CA10: variants seen among roughly 807,000 people sequenced by gnomAD.
CA10 encodes the protein carbonic anhydrase 10 (inactive).
A neutral mutation model predicts 44.2 loss-of-function variants in CA10; 14 were observed. The ratio of observed to expected loss-of-function variants is 0.32; its 90% CI spans 0.21 to 0.50. The LOEUF (loss-of-function observed/expected upper bound fraction) is 0.50, where lower values mean the gene tolerates loss of function less well. Ranked by LOEUF, CA10 falls within the 20% of genes least tolerant of loss-of-function variation. The pLI, the probability that CA10 is intolerant of heterozygous loss-of-function variation, is 0.99. For synonymous variants in CA10, 159 were observed against 141.6 expected (o/e 1.12, Z -0.87); for missense variants, 350 against 409.7 (o/e 0.85, Z 1.26).
rs1480270889 is a variant in CA10, at chr17:51,708,910, A to T, written c.465+38723T>A. ...CCTTCAGCCACAGACTGAAAGCTGCACTCTGTCATCTTCCCAACTTCTGAG... is the reference window on the plus strand; with the variant it reads ...CCTTCAGCCACAGACTGAAAGCTGCTCTCTGTCATCTTCCCAACTTCTGAG... On this transcript the variant is annotated intron_variant, in intron 4 of 8. Coordinates refer to ENST00000451037, the MANE Select transcript of CA10 (RefSeq NM_020178.5). Among the ~76,000 whole-genome samples, 3 of 152,112 alleles carry T rather than the reference A, an allele frequency of 2.0e-5. No individual in the cohort carries two copies. In the East Asian group the frequency reaches 5.8e-4, roughly 29 times the overall value.
intron 3 of CA10, among the ~76,000 whole-genome samples, chr17:51,885,705 C>T (rs1171166397): frequency 1.3e-5 from 2 of 152,184 alleles, no homozygotes; most frequent in East Asian, 3.9e-4. Flanking sequence ...CTTCTCCATT[C>T]AACTGGGAGA....
At chr17:52,036,987 G>T (rs1986637319) in intron 2 of CA10, among the ~76,000 whole-genome samples, 1 of 152,178 alleles carries the variant, frequency 6.6e-6, no homozygotes, top group African/African-American at 2.4e-5. Context: ...GCAGTGAGCA[G>T]AGAGTGGCAG....
rs565829173 is a variant in CA10, at chr17:52,051,478, G to T, written c.136+20841C>A. ...AAAAAAAAACTCCATGAAGAAGCGG[G>T]CAAAGGACATGAACATTTTCGACAG... is the stretch of plus-strand genomic sequence containing the variant. On this transcript the variant is annotated intron_variant, in intron 2 of 8. Transcript: ENST00000451037. 2.7e-4 allele frequency among the ~76,000 whole-genome samples: 41 copies of T among 151,142 alleles called. No homozygotes were observed. In the East Asian group the frequency reaches 4.1e-3, roughly 15 times the overall value.
intron 2 of CA10, among the ~76,000 whole-genome samples, chr17:51,989,766 G>C (rs1984976084): frequency 6.6e-6 from 1 of 152,112 alleles, no homozygotes; most frequent in Non-Finnish European, 1.5e-5. Flanking sequence ...ACCACACTTT[G>C]AGTAGCAAGA....
At chr17:51,896,239 T>C (rs1292910563) in intron 3 of CA10, among the ~76,000 whole-genome samples, 1 of 152,080 alleles carries the variant, frequency 6.6e-6, no homozygotes, top group African/African-American at 2.4e-5. Context: ...CTCATCTTCC[T>C]GTCCCCCTCT....
intron 2 of CA10, among the ~76,000 whole-genome samples, chr17:52,019,702 A>G (rs1005994175): frequency 6.6e-6 from 1 of 152,082 alleles, no homozygotes; most frequent in African/African-American, 2.4e-5. Flanking sequence ...TAAAAAATAG[A>G]ACATTACCAG....
intron 3 of CA10, among the ~76,000 whole-genome samples, chr17:51,825,673 TTGCA>T (rs762863062): frequency 1.2e-3 from 177 of 152,374 alleles, no homozygotes; most frequent in Non-Finnish European, 2.0e-3. Context: ...CTGTTTTCAA[TTGCA>T]TACTCATTAC....
At chr17:51,965,234 C>T (rs1984037033) in intron 2 of CA10, among the ~76,000 whole-genome samples, 1 of 151,632 alleles carries the variant, frequency 6.6e-6, no homozygotes, top group Non-Finnish European at 1.5e-5. Flanking sequence ...ATAATGAGTT[C>T]TGAAATTGAA....
chr17:52,054,048 G>A (rs943365926), intron 2 of CA10, among the ~76,000 whole-genome samples: 9 of 149,364 alleles, frequency 6.0e-5, no homozygotes, highest in Non-Finnish European at 7.4e-5. Flanking sequence ...TGGGCACCTC[G>A]AAAAAAGAAC....
chr17:51,999,344 C>T (rs1985344041), intron 2 of CA10, among the ~76,000 whole-genome samples: 1 of 151,960 alleles, frequency 6.6e-6, no homozygotes, highest in Non-Finnish European at 1.5e-5. Flanking sequence ...ATATGTGTTG[C>T]GGCAATGTAG....
At chr17:52,052,497 C>T (rs1231543564) in intron 2 of CA10, among the ~76,000 whole-genome samples, 4 of 151,794 alleles carry the variant, frequency 2.6e-5, no homozygotes, top group Non-Finnish European at 5.9e-5. Context: ...GCATGCTTCC[C>T]ACATGTTATT....
intron 1 of CA10, among the ~76,000 whole-genome samples, chr17:52,086,994 T>C (rs906744875): frequency 1.3e-5 from 2 of 152,204 alleles, no homozygotes; most frequent in Non-Finnish European, 2.9e-5. Flanking sequence ...AATGTGCACC[T>C]TCTCTCAATC....
rs534251483 is a variant in CA10, at chr17:51,836,653, G to A, written c.280-88835C>T. Reference sequence around the variant, plus strand: ...ATGCATTCGCAAATGCTTAACATTTGTGAAGTGCCGAGGCCAAGTGATTTG... The same window carrying A: ...ATGCATTCGCAAATGCTTAACATTTATGAAGTGCCGAGGCCAAGTGATTTG... On this transcript the variant is annotated intron_variant, in intron 3 of 8. Transcript: ENST00000451037. Among the ~76,000 whole-genome samples, 137 of 152,320 alleles carry A rather than the reference G, an allele frequency of 9.0e-4. 1 individual carries two copies. The highest frequency in any genetic ancestry group is 3.2e-3 in the African/African-American group (131 of 41,580).
At chr17:52,056,378 T>C in intron 2 of CA10, among the ~76,000 whole-genome samples, 1 of 151,622 alleles carries the variant, frequency 6.6e-6, no homozygotes, top group Non-Finnish European at 1.5e-5. Context: ...ATGAAGCGGG[T>C]TGGTGGGGAG....
intron 3 of CA10, among the ~76,000 whole-genome samples, chr17:51,915,570 T>C (rs1255791449): frequency 6.6e-6 from 1 of 152,194 alleles, no homozygotes; most frequent in Non-Finnish European, 1.5e-5. Flanking sequence ...AATTACTTAT[T>C]TATATATTAT....
chr17:51,649,155 C>T (rs1327698768), intron 6 of CA10, 27 bp downstream of exon 6: 5 of 1,537,410 alleles, frequency 3.3e-6, no homozygotes, highest in East Asian at 2.2e-5. Flanking sequence ...AGAATAGTTG[C>T]TGTGGAGGAA....
intron 2 of CA10, among the ~76,000 whole-genome samples, chr17:51,972,162 A>G (rs1234906655): frequency 6.6e-6 from 1 of 152,130 alleles, no homozygotes; most frequent in African/African-American, 2.4e-5. Flanking sequence ...TCAAAAAAAG[A>G]ACAAGATTAC....
At chr17:52,042,400 A>C (rs1347876208) in intron 2 of CA10, among the ~76,000 whole-genome samples, 1 of 152,072 alleles carries the variant, frequency 6.6e-6, no homozygotes, top group East Asian at 1.9e-4. Flanking sequence ...TTTTTAAAAA[A>C]AACATTTATC....
At chr17:51,729,406 G>A (rs1916639445) in intron 4 of CA10, among the ~76,000 whole-genome samples, 1 of 152,092 alleles carries the variant, frequency 6.6e-6, no homozygotes, top group African/African-American at 2.4e-5. Flanking sequence ...GAGTGAGTAG[G>A]TGCCCCAGTC....
Sources: gnomAD v4.1 joint callset for allele counts (sites outside exome capture counted in the v4.1 genomes callset) on GRCh38, gnomAD v4.1.1 for gene constraint, MANE v1.5 for transcripts, NCBI Gene and HGNC (gene_info 2026-07-23, HGNC 2026-07-21) for gene names.